Variants in TMEM108 observed in about 807,000 individuals in gnomAD.
The protein encoded by TMEM108 is transmembrane protein 108.
TMEM108 carries 12 observed loss-of-function variants against 35.1 expected under a neutral mutation model. The ratio of observed to expected loss-of-function variants is 0.34; its 90% CI spans 0.22 to 0.55. The LOEUF is 0.55. Ranked by LOEUF, TMEM108 falls within the 20% of genes least tolerant of loss-of-function variation. The pLI, the probability that TMEM108 is intolerant of heterozygous loss-of-function variation, is 0.89. For synonymous variants in TMEM108, 287 were observed against 308.6 expected (o/e 0.93, Z 0.73); for missense variants, 680 against 753.3 (o/e 0.90, Z 1.14).
At chr3:133,284,542 C>G (rs960966116) in intron 3 of TMEM108, among the ~76,000 whole-genome samples, 1 of 152,168 alleles carries the variant, frequency 6.6e-6, no homozygotes, top group South Asian at 2.1e-4. Flanking sequence ...CTACCTTGTC[C>G]TCTTTGCATA....
intron 3 of TMEM108, among the ~76,000 whole-genome samples, chr3:133,241,564 A>G (rs1236262379): frequency 6.8e-6 from 1 of 147,640 alleles, no homozygotes; most frequent in African/African-American, 2.5e-5. Context: ...CATCTTCATC[A>G]GTTTCCCTGT....
intron 2 of TMEM108, among the ~76,000 whole-genome samples, chr3:133,097,738 G>A (rs73005591): frequency 0.053 from 7,990 of 152,188 alleles, 721 homozygotes; most frequent in African/African-American, 0.18. Flanking sequence ...TAGAAATGTG[G>A]TTTACTGTTA....
chr3:133,274,927 C>A (rs549570049), intron 3 of TMEM108, among the ~76,000 whole-genome samples: 1 of 133,110 alleles, frequency 7.5e-6, no homozygotes, highest in African/African-American at 2.5e-5. Flanking sequence ...TAAATGAAGT[C>A]CACTGCTCTT....
chr3:133,345,426 C>T (rs1340402924), intron 3 of TMEM108, among the ~76,000 whole-genome samples: 3 of 151,570 alleles, frequency 2.0e-5, no homozygotes, highest in Non-Finnish European at 4.4e-5. Context: ...TGTTCTTATC[C>T]TAACACCAAT....
intron 3 of TMEM108, among the ~76,000 whole-genome samples, chr3:133,231,078 A>T (rs771248687): frequency 1.3e-5 from 2 of 152,232 alleles, no homozygotes; most frequent in Non-Finnish European, 2.9e-5. Context: ...GTCACTGGTC[A>T]GCCAGTTATT....
chr3:133,311,505 G>T (rs1278053830), intron 3 of TMEM108, among the ~76,000 whole-genome samples: 2 of 152,010 alleles, frequency 1.3e-5, no homozygotes, highest in African/African-American at 4.8e-5. Context: ...GATCGAATTG[G>T]CTATTGAAGC....
At chr3:133,220,449 C>T (rs1383772605) in intron 2 of TMEM108, among the ~76,000 whole-genome samples, 2 of 151,944 alleles carry the variant, frequency 1.3e-5, no homozygotes, top group Non-Finnish European at 2.9e-5. Flanking sequence ...GCTTATGTTT[C>T]TTGATTTGAT....
At chr3:133,052,425 T>A (rs1943415939) in intron 2 of TMEM108, among the ~76,000 whole-genome samples, 1 of 151,990 alleles carries the variant, frequency 6.6e-6, no homozygotes, top group African/African-American at 2.4e-5. Context: ...TATTATATCA[T>A]CTGAACAAAG....
At chr3:133,199,366 A>T (rs927759552) in intron 2 of TMEM108, among the ~76,000 whole-genome samples, 1 of 152,076 alleles carries the variant, frequency 6.6e-6, no homozygotes, top group African/African-American at 2.4e-5. Context: ...AGGCACTCTG[A>T]TTTTTAGAAT....
intron 4 of TMEM108, among the ~76,000 whole-genome samples, chr3:133,383,503 C>T (rs186141655): frequency 6.6e-6 from 1 of 152,358 alleles, no homozygotes; most frequent in Non-Finnish European, 1.5e-5. Context: ...GGGCCTCCCT[C>T]TTTGAGCTGG....
intron 2 of TMEM108, among the ~76,000 whole-genome samples, chr3:133,211,889 C>T (rs1007573921): frequency 3.3e-5 from 5 of 152,064 alleles, no homozygotes; most frequent in African/African-American, 1.2e-4. Flanking sequence ...GTTTGGAATT[C>T]TGCATCTTGG....
At chr3:133,295,665 T>C (rs1947135772) in intron 3 of TMEM108, among the ~76,000 whole-genome samples, 1 of 152,180 alleles carries the variant, frequency 6.6e-6, no homozygotes, top group African/African-American at 2.4e-5. Context: ...TCCAGATTCT[T>C]CCTGATCCTG....
chr3:133,131,439 G>C, intron 2 of TMEM108, among the ~76,000 whole-genome samples: 1 of 149,534 alleles, frequency 6.7e-6, no homozygotes, highest in Non-Finnish European at 1.5e-5. Flanking sequence ...TCACATTTTG[G>C]TAATACAATA....
At chr3:133,319,432 C>T (rs2071238579) in intron 3 of TMEM108, among the ~76,000 whole-genome samples, 1 of 152,172 alleles carries the variant, frequency 6.6e-6, no homozygotes, top group South Asian at 2.1e-4. Context: ...CAACTCAGGA[C>T]ATTACGGAAA....
intron 3 of TMEM108, among the ~76,000 whole-genome samples, chr3:133,276,035 G>A (rs562920640): frequency 2.1e-4 from 32 of 152,328 alleles, no homozygotes; most frequent in African/African-American, 6.5e-4. Context: ...ACTCTTAGTA[G>A]TGGTAATTGT....
At chr3:133,159,100 C>T (rs1320951220) in intron 2 of TMEM108, among the ~76,000 whole-genome samples, 1 of 152,150 alleles carries the variant, frequency 6.6e-6, no homozygotes, top group Non-Finnish European at 1.5e-5. Context: ...TCATTGTCTC[C>T]CCACATCTTC....
chr3:133,055,733 T>C (rs368750422), intron 2 of TMEM108, among the ~76,000 whole-genome samples: 3 of 152,328 alleles, frequency 2.0e-5, no homozygotes, highest in East Asian at 3.9e-4. Flanking sequence ...GCTGATGCCA[T>C]GTCCTCAAAC....
At chr3:133,387,053 A>T in intron 4 of TMEM108, 1 of 985,714 alleles carries the variant, frequency 1.0e-6, no homozygotes, top group Non-Finnish European at 1.2e-6. Context: ...AGGTGAGACC[A>T]CTGAAATAGT....
At chr3:133,268,681 T>G (rs1263820108) in intron 3 of TMEM108, among the ~76,000 whole-genome samples, 1 of 152,168 alleles carries the variant, frequency 6.6e-6, no homozygotes, top group Non-Finnish European at 1.5e-5. Flanking sequence ...TAAATAAATG[T>G]TGCCAGCAGA....
Sources: gnomAD v4.1 joint callset for allele counts (sites outside exome capture counted in the v4.1 genomes callset) on GRCh38, gnomAD v4.1.1 for gene constraint, MANE v1.5 for transcripts, NCBI Gene and HGNC (gene_info 2026-07-23, HGNC 2026-07-21) for gene names.